OSBPL8: variants seen among roughly 807,000 people sequenced by gnomAD.
OSBPL8 encodes the protein oxysterol-binding protein-related protein 8.
In OSBPL8, 59 loss-of-function variants were observed where a neutral mutation model predicts 125.5. That is an observed-to-expected ratio of 0.47 (90% CI 0.38 to 0.58). The LOEUF (loss-of-function observed/expected upper bound fraction) is 0.58. Among genes scored for constraint, OSBPL8 ranks in the 20% least tolerant of loss-of-function variants. The pLI, the probability that OSBPL8 is intolerant of heterozygous loss-of-function variation, is 0.00. For missense variants in OSBPL8, 758 were observed against 1,047.8 expected (o/e 0.72, Z 3.82); for synonymous variants, 330 against 338.9 (o/e 0.97, Z 0.29).
chr12:76,514,285 C>A (rs1881311278), intron 1 of OSBPL8, among the ~76,000 whole-genome samples: 1 of 149,652 alleles, frequency 6.7e-6, no homozygotes, highest in Non-Finnish European at 1.5e-5. Flanking sequence ...GCTGGGGCTA[C>A]AGCTGCCTGC....
In OSBPL8 at chr12:76,400,849, C is replaced by T. The variant is rs986364561; in HGVS notation, c.367-875G>A. On this transcript the variant is annotated intron_variant, in intron 6 of 23. Coordinates refer to ENST00000261183, the MANE Select transcript of OSBPL8 (RefSeq NM_020841.5). ...TGTAACCCAGGCTGGAGTGCAGTGG[C>T]GGAATCTCAGCTCACTACAACCTCC... Among the ~76,000 whole-genome samples the T allele has an allele frequency of 3.9e-4, 57 of 147,374 alleles. 1 individual carries two copies. The highest frequency in any genetic ancestry group is 2.6e-3 in the East Asian group (13 of 5,038).
At chr12:76,434,295 A>G (rs1871196737) in intron 4 of OSBPL8, among the ~76,000 whole-genome samples, 1 of 152,218 alleles carries the variant, frequency 6.6e-6, no homozygotes, top group Non-Finnish European at 1.5e-5. Flanking sequence ...CAAACTGGAT[A>G]CCCACATGCA....
chr12:76,531,400 T>C (rs1950335100), intron 1 of OSBPL8, among the ~76,000 whole-genome samples: 1 of 152,240 alleles, frequency 6.6e-6, no homozygotes, highest in Non-Finnish European at 1.5e-5. Context: ...CCCTCCATCA[T>C]TCAAGTTAGG....
chr12:76,384,321 A>G lies in OSBPL8; in HGVS notation c.1563T>C (p.Phe521=), dbSNP rs769033590. The G allele has an allele frequency of 6.4e-7, 1 of 1,564,424 alleles. No individual in the cohort carries two copies. Among genetic ancestry groups the G allele is most frequent in the Non-Finnish European group, 8.7e-7 (1 of 1,147,176 alleles). ...QVSHHPPISA[F]YVSNRKDGFC... ...ATCCATCTTTTCGATTACTAACATAAAAGGCAGATATTGGTGGATGATGGG... is the reference window on the plus strand; with the variant it reads ...ATCCATCTTTTCGATTACTAACATAGAAGGCAGATATTGGTGGATGATGGG... The change falls in exon 15 of 24, where the codon TTT becomes TTC. Residue 521 remains phenylalanine (F), a synonymous_variant. Transcript: ENST00000261183.
rs780012191 is a variant in OSBPL8, at chr12:76,390,663, G to A, written c.930-6C>T. 6 of 1,565,560 alleles carry A rather than the reference G, an allele frequency of 3.8e-6. No homozygotes were observed. Among genetic ancestry groups the A allele is most frequent in the Non-Finnish European group, 1.8e-6 (2 of 1,138,816 alleles). On this transcript the variant is annotated splice_polypyrimidine_tract_variant and splice_region_variant and intron_variant, in intron 10 of 23. Transcript: ENST00000261183. Reference sequence around the variant, plus strand: ...CAATTTCACTATCATTTAACCTTAAGGGAAAGAATTTTTAGGAGGAAGAAT... The same window carrying A: ...CAATTTCACTATCATTTAACCTTAAAGGAAAGAATTTTTAGGAGGAAGAAT...
chr12:76,513,376 G>T (rs1881200677), intron 1 of OSBPL8, among the ~76,000 whole-genome samples: 1 of 152,224 alleles, frequency 6.6e-6, no homozygotes, highest in Non-Finnish European at 1.5e-5. Flanking sequence ...TATGTTCCAT[G>T]TGGAGATAAG....
intron 1 of OSBPL8, 66 bp downstream of exon 1, chr12:76,559,331 G>C (rs368130278): frequency 1.3e-5 from 2 of 152,482 alleles, no homozygotes; most frequent in South Asian, 4.1e-4. Flanking sequence ...GTGGCAATAA[G>C]GGTGCGCAGT....
chr12:76,372,253 T>A (rs937925330), intron 18 of OSBPL8, among the ~76,000 whole-genome samples: 2 of 152,148 alleles, frequency 1.3e-5, no homozygotes, highest in African/African-American at 4.8e-5. Context: ...TCACCCAGGC[T>A]GGAGGGCAGT....
chr12:76,481,070 C>CA (rs35371551), intron 2 of OSBPL8, among the ~76,000 whole-genome samples: 30,985 of 151,214 alleles, frequency 0.2, 3,393 homozygotes, highest in Non-Finnish European at 0.26. Flanking sequence ...GGCCATGAGC[C>CA]AAAAAAAATG....
intron 5 of OSBPL8, among the ~76,000 whole-genome samples, chr12:76,407,284 C>T (rs1954303439): frequency 6.6e-6 from 1 of 152,212 alleles, no homozygotes; most frequent in African/African-American, 2.4e-5. Context: ...CAAGGTCTCA[C>T]TTTGTCTCTC....
At chr12:76,395,183 G>A (rs1021355243) in intron 8 of OSBPL8, among the ~76,000 whole-genome samples, 1 of 152,114 alleles carries the variant, frequency 6.6e-6, no homozygotes, top group Non-Finnish European at 1.5e-5. Context: ...TATAACCAAT[G>A]ACATACACCT....
Position 76,469,831 on chromosome 12 carries a change from A to T in OSBPL8, c.43-9936T>A, listed in dbSNP as rs538250186. Among the ~76,000 whole-genome samples the T allele has an allele frequency of 1.9e-3, 283 of 152,110 alleles. 1 individual carries two copies. Among genetic ancestry groups the T allele is most frequent in the African/African-American group, 6.6e-3 (275 of 41,486 alleles). On this transcript the variant is annotated intron_variant, in intron 2 of 23. Transcript: ENST00000261183. ...TTTTGTCTATTTTGTTCACTGCTAT[A>T]TTCCTTAAAACTAGAACAGAGCCTG...
intron 1 of OSBPL8, among the ~76,000 whole-genome samples, chr12:76,518,993 T>C (rs181362698): frequency 1.3e-5 from 2 of 152,344 alleles, no homozygotes; most frequent in East Asian, 1.9e-4. Flanking sequence ...CTTTTAGTCA[T>C]GCTAATCACT....
rs543516874 is a variant in OSBPL8 at position 76,369,236 on chromosome 12, T to G, written c.2306A>C (p.Lys769Thr). ...QFEKDGVIQT[K>T]VKHRTPMVSV... ...TACCATTGGAGTACGATGTTTCACT[T>G]TGGTCTGAATAACACCATCTTTTTC... The change falls in exon 21 of 24, where the codon AAA becomes ACA. Residue 769 changes from lysine to threonine, a missense_variant. This residue lies in a region of OSBPL8 where 572 missense variants were observed against 762.0 expected (regional missense o/e 0.75). Transcript: ENST00000261183. The G allele has an allele frequency of 6.2e-7, 1 of 1,612,756 alleles. No individual in the cohort carries two copies. Among genetic ancestry groups the G allele is most frequent in the South Asian group, 1.1e-5 (1 of 90,892 alleles).
At position 76,445,913 on chromosome 12, in the gene OSBPL8, C is replaced by T. The variant is rs369442350; in HGVS notation, c.217+4938G>A. On this transcript the variant is annotated intron_variant, in intron 4 of 23. Coordinates refer to ENST00000261183, the MANE Select transcript of OSBPL8 (RefSeq NM_020841.5). ...CATAATGGAATTCTATCAAAATACTCGACTCAAAGTTTGAAAAATTTGAAC... is the reference window on the plus strand; with the variant it reads ...CATAATGGAATTCTATCAAAATACTTGACTCAAAGTTTGAAAAATTTGAAC... 5.7e-4 allele frequency among the ~76,000 whole-genome samples: 87 copies of T among 152,146 alleles called. 2 individuals carry two copies. Among genetic ancestry groups the T allele is most frequent in the African/African-American group, 2.1e-3 (86 of 41,520 alleles).
At chr12:76,548,183 A>G (rs1348552101) in intron 1 of OSBPL8, among the ~76,000 whole-genome samples, 1 of 152,216 alleles carries the variant, frequency 6.6e-6, no homozygotes, top group African/African-American at 2.4e-5. Flanking sequence ...TAAAAGAAAG[A>G]AAATCGTAAC....
At chr12:76,531,091 G>C (rs1198131265) in intron 1 of OSBPL8, among the ~76,000 whole-genome samples, 1 of 152,194 alleles carries the variant, frequency 6.6e-6, no homozygotes, top group Non-Finnish European at 1.5e-5. Context: ...ACATGGCTGA[G>C]AAGGCCTCAG....
At chr12:76,482,043 C>T (rs1877558947) in intron 2 of OSBPL8, among the ~76,000 whole-genome samples, 1 of 152,174 alleles carries the variant, frequency 6.6e-6, no homozygotes, top group Admixed American at 6.5e-5. Context: ...CACTCATTGA[C>T]TATATTCTAA....
At chr12:76,515,909 C>T (rs557628506) in intron 1 of OSBPL8, among the ~76,000 whole-genome samples, 1 of 152,266 alleles carries the variant, frequency 6.6e-6, no homozygotes, top group South Asian at 2.1e-4. Context: ...CCCACTCCCA[C>T]AATGTGTTCT....
Sources: gnomAD v4.1 joint callset for allele counts (sites outside exome capture counted in the v4.1 genomes callset) on GRCh38, gnomAD v4.1.1 for gene constraint, gnomAD v4.1.1 regional missense constraint, MANE v1.5 for transcripts, NCBI Gene and HGNC (gene_info 2026-07-23, HGNC 2026-07-21) for gene names.